Variants in ACLY observed in about 807,000 individuals in gnomAD.
ACLY encodes ATP-citrate synthase.
A neutral mutation model predicts 133.0 loss-of-function variants in ACLY; 41 were observed. The observed-to-expected ratio is 0.31, with a 90% CI of 0.24 to 0.40. The LOEUF is 0.40. Ranked by LOEUF, ACLY falls within the 10% of genes least tolerant of loss-of-function variation. The pLI, the probability that ACLY is intolerant of heterozygous loss-of-function variation, is 1.00. For synonymous variants in ACLY, 495 were observed against 549.3 expected (o/e 0.90, Z 1.38); for missense variants, 1,046 against 1,453.8 (o/e 0.72, Z 4.56).
chr17:41,887,127 GAAAAAAAAAAAAAAAA>G (rs535668437), intron 17 of ACLY, among the ~76,000 whole-genome samples: 9 of 110,370 alleles, frequency 8.2e-5, no homozygotes, highest in Non-Finnish European at 1.1e-4. Flanking sequence ...CCGTCTCAAA[GAAAAAAAAAAAAAAAA>G]AAAAAAAAAA....
upstream of ACLY, among the ~76,000 whole-genome samples, chr17:41,920,590 C>CAAA (rs57800581): frequency 2.0e-4 from 15 of 73,988 alleles, no homozygotes; most frequent in South Asian, 5.4e-4. Context: ...GATTCTATCT[C>CAAA]AAAAAAAAAA....
chr17:41,895,290 G>A (rs2049334424), intron 14 of ACLY, among the ~76,000 whole-genome samples: 1 of 152,184 alleles, frequency 6.6e-6, no homozygotes, highest in Non-Finnish European at 1.5e-5. Context: ...GGTGACGCAC[G>A]TGCACATGCC....
rs1555632751 is a variant in ACLY at position 41,906,675 on chromosome 17, C to T, written c.748-29G>A. 3 of 1,588,344 alleles carry T rather than the reference C, an allele frequency of 1.9e-6. No individual in the cohort carries two copies. The Admixed American group carries it at 5.0e-5, about 26-fold the overall frequency. The stretch of plus-strand genomic sequence containing the variant: ...GGGACCAGACAGCAACAGGTAGGCC[C>T]TTGGGGTACCCCCTTTACCAGGTCC... On this transcript the variant is annotated intron_variant, in intron 7 of 28. Coordinates refer to ENST00000352035, the MANE Select transcript of ACLY (RefSeq NM_001096.3).
upstream of ACLY, among the ~76,000 whole-genome samples, chr17:41,921,574 C>A (rs1490119107): frequency 6.6e-6 from 1 of 151,916 alleles, no homozygotes; most frequent in African/African-American, 2.4e-5. Flanking sequence ...TAGGCTCAGG[C>A]CTGTAATCCC....
chr17:41,913,472 G>C (rs1450358911), intron 2 of ACLY, among the ~76,000 whole-genome samples: 1 of 152,236 alleles, frequency 6.6e-6, no homozygotes, highest in African/African-American at 2.4e-5. Context: ...AATAAACACA[G>C]CTTTGATTTG....
rs566003827 is a variant in ACLY at position 41,907,711 on chromosome 17, G to A, written c.617-139C>T. 16 of 960,072 alleles carry A rather than the reference G, an allele frequency of 1.7e-5. 1 individual carries two copies. The South Asian group carries it at 2.0e-4, about 12-fold the overall frequency. 59.5% of individuals were successfully genotyped at this position (960,072 alleles called of 1,614,324 possible). The stretch of plus-strand genomic sequence containing the variant: ...TCTCTAAGCTCAGTAAGAAACCAGA[G>A]AGGCCCTTATGGAGACAGAGCTTTT... On this transcript the variant is annotated intron_variant, in intron 6 of 28. Coordinates refer to ENST00000352035, the MANE Select transcript of ACLY (RefSeq NM_001096.3).
Position 41,909,035 on chromosome 17 carries a change from A to G in ACLY, c.570T>C (p.Asn190=). 2 of 1,613,262 alleles carry G rather than the reference A, an allele frequency of 1.2e-6. No individual in the cohort carries two copies. The highest frequency in any genetic ancestry group is 1.1e-5 in the South Asian group (1 of 90,904). The change falls in exon 6 of 29, where the codon AAT becomes AAC. Residue 190 remains asparagine, a synonymous_variant. Coordinates refer to ENST00000352035, the MANE Select transcript of ACLY (RefSeq NM_001096.3). ...ILASFISGLF[N]FYEDLYFTYL... is the part of the protein sequence containing the mutation. ...AGGTGAAGTACAAGTCCTCGTAGAA[A>G]TTGAAGAGGCCGGAGATAAAACTGG...
intron 16 of ACLY, 69 bp from the exon 17 acceptor site, chr17:41,887,772 T>A: frequency 7.8e-7 from 1 of 1,282,350 alleles, no homozygotes; most frequent in Non-Finnish European, 1.1e-6. Flanking sequence ...CAGCACCGTT[T>A]AAGGGCCCAC....
intron 20 of ACLY, among the ~76,000 whole-genome samples, chr17:41,879,413 CTTTTTTT>C (rs1190398954): frequency 2.3e-5 from 3 of 128,844 alleles, no homozygotes; most frequent in Non-Finnish European, 5.0e-5. Flanking sequence ...CCCCCCCCGC[CTTTTTTT>C]TTTTTTTTTT....
At chr17:41,890,676 G>A (rs2049181654) in intron 16 of ACLY, among the ~76,000 whole-genome samples, 1 of 150,328 alleles carries the variant, frequency 6.7e-6, no homozygotes, top group Non-Finnish European at 1.5e-5. Context: ...CAAAAAGAGT[G>A]AAACTCTGTC....
intron 22 of ACLY, among the ~76,000 whole-genome samples, chr17:41,875,388 AAG>A (rs2048710577): frequency 6.9e-6 from 1 of 145,728 alleles, no homozygotes. Flanking sequence ...TACGTGGCTA[AAG>A]AAATGGGGGA....
At chr17:41,868,472 C>A in intron 28 of ACLY, among the ~76,000 whole-genome samples, 1 of 147,318 alleles carries the variant, frequency 6.8e-6, no homozygotes. Context: ...GGCTAGCAAT[C>A]ATTTCTAAGA....
At chr17:41,888,650 C>T (rs1346142576) in intron 16 of ACLY, among the ~76,000 whole-genome samples, 1 of 152,140 alleles carries the variant, frequency 6.6e-6, no homozygotes. Flanking sequence ...CTTTGGGAGT[C>T]TAAGGCAGGT....
chr17:41,910,075 G>A (rs1250826751), intron 4 of ACLY, 147 bp downstream of exon 4: 8 of 791,728 alleles, frequency 1.0e-5, no homozygotes, highest in South Asian at 1.8e-5. Flanking sequence ...TCCCGAGTCC[G>A]CAGCACCCTC....
intron 14 of ACLY, among the ~76,000 whole-genome samples, chr17:41,893,952 G>A (rs543542319): frequency 2.0e-5 from 3 of 152,160 alleles, no homozygotes; most frequent in African/African-American, 7.2e-5. Context: ...GGTGGCTCAC[G>A]CCTGTAATCC....
At chr17:41,924,538 A>T (rs1567921798) in intron 1 of ACLY, among the ~76,000 whole-genome samples, 1 of 152,104 alleles carries the variant, frequency 6.6e-6, no homozygotes, top group East Asian at 1.9e-4. Context: ...AGGAGCTTCC[A>T]GCAAAGCCCC....
intron 18 of ACLY, 152 bp from the exon 19 acceptor site, chr17:41,884,426 A>G (rs1417053633): frequency 1.7e-5 from 10 of 600,528 alleles, no homozygotes; most frequent in African/African-American, 3.7e-5. Flanking sequence ...GCAATAATGG[A>G]CAGGGGAAGG....
At chr17:41,903,130 T>C (rs1373681618) in intron 10 of ACLY, among the ~76,000 whole-genome samples, 1 of 152,144 alleles carries the variant, frequency 6.6e-6, no homozygotes, top group African/African-American at 2.4e-5. Flanking sequence ...TTGACACTTA[T>C]CTAGTCATTA....
chr17:41,896,771 T>G, intron 13 of ACLY, 122 bp from the exon 14 acceptor site: 1 of 761,004 alleles, frequency 1.3e-6, no homozygotes, highest in Non-Finnish European at 2.0e-6. Flanking sequence ...GCCCTCATCA[T>G]CCCTCTCCTG....
Sources: allele counts gnomAD v4.1 joint callset (sites outside exome capture counted in the v4.1 genomes callset), GRCh38; gene constraint gnomAD v4.1.1; transcripts MANE v1.5; gene names NCBI Gene and HGNC (gene_info 2026-07-23, HGNC 2026-07-21).